Variants in PAPOLA observed in about 807,000 individuals in gnomAD.
The protein encoded by PAPOLA is poly(A) polymerase alpha.
In PAPOLA, 15 loss-of-function variants were observed where a neutral mutation model predicts 100.6. That is an observed-to-expected ratio of 0.15 (90% CI 0.10 to 0.23). PAPOLA has a LOEUF of 0.23. Ranked by LOEUF, PAPOLA falls within the 10% of genes least tolerant of loss-of-function variation. The pLI is 1.00. For missense variants in PAPOLA, 533 were observed against 884.2 expected (o/e 0.60, Z 5.04); for synonymous variants, 293 against 300.0 (o/e 0.98, Z 0.24).
chr14:96,523,411 A>G (rs185195369), intron 3 of PAPOLA, among the ~76,000 whole-genome samples: 1 of 152,384 alleles, frequency 6.6e-6, no homozygotes, highest in East Asian at 1.9e-4. Context: ...AAGTGATAAC[A>G]GTGACAGAAT....
chr14:96,545,845 A>G (rs1323217404), intron 15 of PAPOLA, among the ~76,000 whole-genome samples: 2 of 152,092 alleles, frequency 1.3e-5, no homozygotes, highest in Non-Finnish European at 2.9e-5. Context: ...TTCCTGAAGT[A>G]AAAATTCTGA....
At chr14:96,564,725 ATAT>A (rs935930562) in intron 21 of PAPOLA, among the ~76,000 whole-genome samples, 4 of 152,096 alleles carry the variant, frequency 2.6e-5, no homozygotes, top group African/African-American at 9.6e-5. Context: ...AGTTTTTAAA[ATAT>A]TATTAAAATA....
intron 17 of PAPOLA, chr14:96,553,102 G>A (rs1465907659): frequency 6.6e-6 from 1 of 152,518 alleles, no homozygotes; most frequent in Non-Finnish European, 1.5e-5. Flanking sequence ...TGAGAAATGG[G>A]GTCTGGCTGT....
At position 96,532,306 on chromosome 14, in the gene PAPOLA, GT is replaced by G. The variant is rs562581383; in HGVS notation, c.608-16del. 5.5e-5 allele frequency: 69 copies of G among 1,250,104 alleles called. No individual in the cohort carries two copies. The highest frequency in any genetic ancestry group is 2.8e-4 in the African/African-American group (19 of 66,906). 77.4% of individuals were successfully genotyped at this position (1,250,104 alleles called of 1,614,324 possible). ...GTTTTGTGTGTGTGTGTGTGTGTGTGTTTTTTTTTACCCCTATTAATTAGGT... is the reference window on the plus strand; with the variant it reads ...GTTTTGTGTGTGTGTGTGTGTGTGTGTTTTTTTTACCCCTATTAATTAGGT... On this transcript the variant is annotated intron_variant, in intron 7 of 21. Transcript: ENST00000216277.
At chr14:96,534,305 T>C (rs1899330389) in intron 9 of PAPOLA, 186 bp from the exon 10 acceptor site, 1 of 1,385,946 alleles carries the variant, frequency 7.2e-7, no homozygotes, top group African/African-American at 1.5e-5. Flanking sequence ...ATGGTTTAAG[T>C]TCATTTCATA....
chr14:96,537,635 A>G (rs1899648522), intron 12 of PAPOLA: 1 of 152,886 alleles, frequency 6.5e-6, no homozygotes, highest in Non-Finnish European at 1.5e-5. Flanking sequence ...ATAATGGTTT[A>G]ATACCTTAGT....
At chr14:96,516,648 T>A (rs1014009260) in intron 1 of PAPOLA, among the ~76,000 whole-genome samples, 1 of 152,222 alleles carries the variant, frequency 6.6e-6, no homozygotes, top group Non-Finnish European at 1.5e-5. Context: ...TCATATATAT[T>A]CTTTCTTGAA....
chr14:96,550,263 CA>C (rs1900738475), intron 16 of PAPOLA, among the ~76,000 whole-genome samples: 1 of 152,086 alleles, frequency 6.6e-6, no homozygotes, highest in Admixed American at 6.5e-5. Flanking sequence ...AATTCATAAT[CA>C]AATAGCTATT....
chr14:96,564,079 T>TA (rs200379794), intron 21 of PAPOLA, among the ~76,000 whole-genome samples: 3,366 of 151,730 alleles, frequency 0.022, 121 homozygotes, highest in African/African-American at 0.077. Flanking sequence ...TATGTTGATT[T>TA]AAAAAAAAAT....
chr14:96,525,570 C>T (rs963523760), intron 4 of PAPOLA, among the ~76,000 whole-genome samples, 179 bp downstream of exon 4: 2 of 152,118 alleles, frequency 1.3e-5, no homozygotes, highest in African/African-American at 4.8e-5. Flanking sequence ...TATATCGCCA[C>T]TGTCCAAAAG....
chr14:96,533,138 C>CA (rs1899192060), intron 9 of PAPOLA: 1 of 983,016 alleles, frequency 1.0e-6, no homozygotes. Flanking sequence ...TGCTTCGGGA[C>CA]AAAAAAGGAA....
chr14:96,560,046 G>A (rs151250499), intron 19 of PAPOLA, among the ~76,000 whole-genome samples: 2 of 152,230 alleles, frequency 1.3e-5, no homozygotes, highest in African/African-American at 4.8e-5. Context: ...CTATAAGCCT[G>A]TGGTTTTTCT....
chr14:96,561,012 A>G (rs1901797541), intron 20 of PAPOLA, among the ~76,000 whole-genome samples: 1 of 152,190 alleles, frequency 6.6e-6, no homozygotes, highest in South Asian at 2.1e-4. Context: ...GTAAGATGTT[A>G]TTTCTGACTG....
rs538893924 is a variant in PAPOLA at position 96,511,712 on chromosome 14, T to C, written c.9-8343T>C. Among the ~76,000 whole-genome samples the C allele has an allele frequency of 2.2e-3, 342 of 152,362 alleles. 2 individuals carry two copies. Among genetic ancestry groups the C allele is most frequent in the African/African-American group, 7.8e-3 (326 of 41,584 alleles). On this transcript the variant is annotated intron_variant, in intron 1 of 21. Coordinates refer to ENST00000216277, the MANE Select transcript of PAPOLA (RefSeq NM_032632.5). Reference sequence around the variant, plus strand: ...ATTTCTGATTTTATTTAGCATTGTCTTTTATGCATATTTAGGAATTTGGTA... The same window carrying C: ...ATTTCTGATTTTATTTAGCATTGTCCTTTATGCATATTTAGGAATTTGGTA...
chr14:96,533,098 G>A (rs1899186606), intron 9 of PAPOLA: 2 of 979,046 alleles, frequency 2.0e-6, no homozygotes, highest in Non-Finnish European at 2.4e-6. Flanking sequence ...ATTTTCATAA[G>A]AAGCTTTTAA....
chr14:96,507,012 G>A lies in PAPOLA; in HGVS notation c.8+4412G>A, dbSNP rs141968407. 2.4e-3 allele frequency among the ~76,000 whole-genome samples: 363 copies of A among 152,216 alleles called. 1 individual carries two copies. The highest frequency in any genetic ancestry group is 5.7e-3 in the Admixed American group (87 of 15,288). ...TATAATGTTGCTCCCAGCACTATGGGAGGCCGAGGTGGGAGGATTATTTGA... is the reference window on the plus strand; with the variant it reads ...TATAATGTTGCTCCCAGCACTATGGAAGGCCGAGGTGGGAGGATTATTTGA... On this transcript the variant is annotated intron_variant, in intron 1 of 21. Coordinates refer to ENST00000216277, the MANE Select transcript of PAPOLA (RefSeq NM_032632.5).
At chr14:96,510,323 G>A (rs914201714) in intron 1 of PAPOLA, among the ~76,000 whole-genome samples, 3 of 151,340 alleles carry the variant, frequency 2.0e-5, no homozygotes, top group Non-Finnish European at 4.4e-5. Context: ...ACACTCTTTC[G>A]TACTTTTTCA....
intron 12 of PAPOLA, among the ~76,000 whole-genome samples, chr14:96,538,831 GTT>G (rs1375287257): frequency 6.6e-6 from 1 of 152,116 alleles, no homozygotes; most frequent in African/African-American, 2.4e-5. Context: ...AAATGGAAAT[GTT>G]TAGTCTTCCC....
intron 1 of PAPOLA, among the ~76,000 whole-genome samples, chr14:96,515,159 T>C (rs1010635299): frequency 2.6e-5 from 4 of 152,188 alleles, no homozygotes; most frequent in Non-Finnish European, 5.9e-5. Flanking sequence ...AATGTTAAAA[T>C]TAAAACAATT....
Sources: allele counts gnomAD v4.1 joint callset (sites outside exome capture counted in the v4.1 genomes callset), GRCh38; gene constraint gnomAD v4.1.1; transcripts MANE v1.5; gene names NCBI Gene and HGNC (gene_info 2026-07-23, HGNC 2026-07-21).